The following UBE2D2 variants were observed in gnomAD, a reference collection of about 807,000 sequenced individuals.
The protein encoded by UBE2D2 is ubiquitin-conjugating enzyme E2 D2.
Under a neutral mutation model 24.2 loss-of-function variants are expected in UBE2D2, and 2 were observed. The ratio of observed to expected loss-of-function variants is 0.08; its 90% CI spans 0.03 to 0.26. UBE2D2 has a LOEUF of 0.26. Ranked by LOEUF, UBE2D2 falls within the 10% of genes least tolerant of loss-of-function variation. The pLI is 1.00. For missense variants in UBE2D2, 44 were observed against 177.6 expected, an observed-to-expected ratio of 0.25 and a Z score of 4.28; for synonymous variants, 58 against 56.5, an observed-to-expected ratio of 1.03 and a Z score of -0.12.
chr5:139,592,507 A>G (rs1369310922), intron 1 of UBE2D2, among the ~76,000 whole-genome samples: 2 of 151,834 alleles, frequency 1.3e-5, no homozygotes, highest in African/African-American at 2.4e-5. Flanking sequence ...CATTTCTAAT[A>G]AGCTTCCTTG....
intron 2 of UBE2D2, chr5:139,611,963 T>TTG: frequency 7.3e-6 from 1 of 136,914 alleles, no homozygotes; most frequent in South Asian, 2.3e-4. Context: ...AAATAATTGT[T>TTG]TTTTTTTTTT....
At chr5:139,578,119 A>G (rs1753518072) in intron 1 of UBE2D2, among the ~76,000 whole-genome samples, 1 of 152,128 alleles carries the variant, frequency 6.6e-6, no homozygotes, top group African/African-American at 2.4e-5. Context: ...TGTTGTGGAC[A>G]TAGAGTGGGT....
At chr5:139,607,395 A>G (rs1754221524) in intron 2 of UBE2D2, among the ~76,000 whole-genome samples, 1 of 152,110 alleles carries the variant, frequency 6.6e-6, no homozygotes, top group South Asian at 2.1e-4. Context: ...TCATTTTATG[A>G]GAGCCATAAA....
At chr5:139,608,005 T>G (rs554543914) in intron 2 of UBE2D2, among the ~76,000 whole-genome samples, 14 of 150,186 alleles carry the variant, frequency 9.3e-5, no homozygotes, top group Non-Finnish European at 1.3e-4. Context: ...AGAGTGAGAC[T>G]CTGTCTCTTG....
At chr5:139,558,578 G>A (rs372208209), upstream of UBE2D2, among the ~76,000 whole-genome samples, 105 of 152,194 alleles carry the variant, frequency 6.9e-4, no homozygotes, top group African/African-American at 2.1e-3. Context: ...GTGAGCCACC[G>A]CGCCCAGCCA....
chr5:139,624,337 G>A (rs937881270), intron 6 of UBE2D2, among the ~76,000 whole-genome samples: 15 of 152,124 alleles, frequency 9.9e-5, no homozygotes, highest in Admixed American at 4.6e-4. Context: ...TTTTGAGATG[G>A]AGTCTTGCTG....
intron 1 of UBE2D2, among the ~76,000 whole-genome samples, chr5:139,539,706 C>A (rs1412889272): frequency 6.6e-6 from 1 of 152,004 alleles, no homozygotes; most frequent in Admixed American, 6.6e-5. Context: ...ATTCTCCTGC[C>A]TCAGCCTCCC....
chr5:139,569,132 T>TTAGTTCTATCTTGGA (rs1196956786), intron 1 of UBE2D2, among the ~76,000 whole-genome samples: 2 of 152,208 alleles, frequency 1.3e-5, no homozygotes, highest in Non-Finnish European at 2.9e-5. Flanking sequence ...GCTATTTAAA[T>TTAGTTCTATCTTGGA]TAGTTCTATC....
At chr5:139,609,491 C>T (rs1754266336) in intron 2 of UBE2D2, among the ~76,000 whole-genome samples, 1 of 151,892 alleles carries the variant, frequency 6.6e-6, no homozygotes, top group Non-Finnish European at 1.5e-5. Context: ...CTGCCTCAGC[C>T]TCCCGAGTAG....
intron 1 of UBE2D2, 154 bp downstream of exon 1, chr5:139,561,969 G>T: frequency 8.9e-7 from 1 of 1,127,230 alleles, no homozygotes; most frequent in South Asian, 1.9e-5. Flanking sequence ...CCCAGTGATG[G>T]CGCCCGTGGA....
intron 1 of UBE2D2, among the ~76,000 whole-genome samples, chr5:139,587,676 A>G (rs2126672200): frequency 6.6e-6 from 1 of 150,560 alleles, no homozygotes; most frequent in East Asian, 1.9e-4. Context: ...CCATCTCAAA[A>G]AAAAAAAAAA....
At chr5:139,556,599 A>G (rs1370534049), upstream of UBE2D2, among the ~76,000 whole-genome samples, 1 of 152,220 alleles carries the variant, frequency 6.6e-6, no homozygotes, top group Admixed American at 6.5e-5. Context: ...TAGAGAAGGC[A>G]CACATTACCA....
At chr5:139,531,078 G>C (rs530583388) in intron 1 of UBE2D2, among the ~76,000 whole-genome samples, 8 of 152,276 alleles carry the variant, frequency 5.3e-5, no homozygotes, top group South Asian at 2.1e-4. Flanking sequence ...AGTCTCAAAG[G>C]GGGGGAAATG....
At chr5:139,547,969 A>G (rs1323775273) in intron 1 of UBE2D2, among the ~76,000 whole-genome samples, 1 of 151,834 alleles carries the variant, frequency 6.6e-6, no homozygotes, top group African/African-American at 2.4e-5. Context: ...CGTTGGGATT[A>G]CAGGCGTGAG....
chr5:139,557,370 G>A (rs539064683), upstream of UBE2D2, among the ~76,000 whole-genome samples: 1 of 151,976 alleles, frequency 6.6e-6, no homozygotes, highest in Non-Finnish European at 1.5e-5. Flanking sequence ...CCTGACCTCA[G>A]GTGATTCACC....
chr5:139,614,707 C>T lies in UBE2D2; in HGVS notation c.131C>T (p.Pro44Leu). ...TCTTGTTATCAACAGAATGACAGTCCCTATCAGGGTGGAGTATTTTTCTTG... is the reference window on the plus strand; with the variant it reads ...TCTTGTTATCAACAGAATGACAGTCTCTATCAGGGTGGAGTATTTTTCTTG... ...QATIMGPNDS[P>L]YQGGVFFLTI... The change falls in exon 4 of 7, where the codon CCC (proline) becomes CTC (leucine). Residue 44 changes from proline (P) to leucine (L), a missense_variant. By Grantham distance (98) the Pro-to-Leu change is moderately conservative. Transcript: ENST00000398733. The T allele has an allele frequency of 6.2e-7, 1 of 1,613,728 alleles. No individual in the cohort carries two copies. Among genetic ancestry groups the T allele is most frequent in the Non-Finnish European group, 8.5e-7 (1 of 1,179,858 alleles).
At chr5:139,625,428 CCA>C (rs1345837263) in intron 6 of UBE2D2, among the ~76,000 whole-genome samples, 5 of 37,704 alleles carry the variant, frequency 1.3e-4, no homozygotes, top group African/African-American at 4.7e-4. Context: ...ATACCCACCC[CCA>C]CCCCCCCCCC....
intron 1 of UBE2D2, among the ~76,000 whole-genome samples, chr5:139,540,411 T>C (rs1227275509): frequency 1.3e-5 from 2 of 151,866 alleles, no homozygotes; most frequent in East Asian, 3.9e-4. Flanking sequence ...CTGGGTGTTG[T>C]GGCGGGCGCC....
chr5:139,614,528 T>G, intron 2 of UBE2D2, 58 bp from the exon 3 acceptor site: 1 of 1,581,458 alleles, frequency 6.3e-7, no homozygotes. Flanking sequence ...TATGTTACTA[T>G]GGCGTAGATA....
Sources: allele counts gnomAD v4.1 joint callset (sites outside exome capture counted in the v4.1 genomes callset), GRCh38; gene constraint gnomAD v4.1.1; transcripts MANE v1.5; gene names NCBI Gene and HGNC (gene_info 2026-07-23, HGNC 2026-07-21).